TTN: variants seen among roughly 807,000 people sequenced by gnomAD.
The protein encoded by TTN is titin.
TTN carries 1,525 observed loss-of-function variants against 3,223.0 expected under a neutral mutation model. The ratio of observed to expected loss-of-function variants is 0.47; its 90% confidence interval spans 0.45 to 0.49. The LOEUF (loss-of-function observed/expected upper bound fraction) is 0.49, where lower values mean the gene tolerates loss of function less well. Ranked by LOEUF, TTN falls within the 20% of genes least tolerant of loss-of-function variation. The probability of loss-of-function intolerance (pLI) is 0.00; values close to 1 mark genes in which losing one functional copy is unlikely to be tolerated. For missense variants in TTN, 40,786 were observed against 43,424.0 expected, an observed-to-expected ratio of 0.94 and a Z score of 5.40; for synonymous variants, 14,094 against 15,161.0, an observed-to-expected ratio of 0.93 and a Z score of 5.17.
Position 178,589,628 on chromosome 2 carries a change from T to C in TTN, c.62097A>G (p.Pro20699=), listed in dbSNP as rs774995592. 16 of 1,613,234 alleles carry C rather than the reference T, an allele frequency of 9.9e-6. No individual in the cohort carries two copies. The highest frequency in any genetic ancestry group is 1.4e-5 in the Non-Finnish European group (16 of 1,179,522). The stretch of plus-strand genomic sequence containing the variant: ...TTCTCTCAACATGATATGACAGATT[T>C]GGACTGCCACCATCATAGTCAGGCC... ...WRRPDYDGGS[P]NLSYHVERRL... is the part of the protein sequence containing the mutation. Residue 20699 remains proline, a synonymous_variant, in exon 304 of 363, where the codon CCA becomes CCG. Transcript: ENST00000589042.
At position 178,575,408 on chromosome 2, in the gene TTN, C is replaced by A. The variant is rs754974293; in HGVS notation, c.70724G>T (p.Gly23575Val). ...TGYVIEAQRK[G>V]SDQWTHITTV... is the part of the protein sequence containing the mutation. Reference sequence around the variant, plus strand: ...TGTGATGTGGGTCCACTGGTCAGAGCCTTTTCTTTGGGCTTCAATCACATA... The same window carrying A: ...TGTGATGTGGGTCCACTGGTCAGAGACTTTTCTTTGGGCTTCAATCACATA... Residue 23575 changes from glycine to valine, a missense_variant, in exon 326 of 363, where the codon GGC becomes GTC. Coordinates refer to ENST00000589042, the MANE Select transcript of TTN (RefSeq NM_001267550.2). This position sits in a 1 kb window ranked among gnomAD's most constrained non-coding sequence, Gnocchi z 4.0. 6.2e-7 allele frequency: 1 copy of A among 1,613,588 alleles called. No homozygotes were observed. Among genetic ancestry groups the A allele is most frequent in the South Asian group, 1.1e-5 (1 of 91,076 alleles).
intron 119 of TTN, 85 bp from the exon 120 acceptor site, chr2:178,692,665 C>A (rs2072752284): frequency 2.0e-6 from 2 of 1,020,580 alleles, no homozygotes; most frequent in Non-Finnish European, 2.8e-6. Flanking sequence ...AATAGAGATT[C>A]CCTTTTTATA....
rs1413250187 is a variant in TTN, at chr2:178,532,321, A to G, written c.104294T>C (p.Met34765Thr). 4 of 1,613,840 alleles carry G rather than the reference A, an allele frequency of 2.5e-6. No homozygotes were observed. Among genetic ancestry groups the G allele is most frequent in the Non-Finnish European group, 2.5e-6 (3 of 1,179,876 alleles). The change falls in exon 358 of 363, where the codon ATG (methionine) becomes ACG (threonine). Residue 34765 changes from methionine to threonine, a missense_variant. Physicochemically the swap from Met to Thr is moderately conservative, Grantham distance 81. Coordinates refer to ENST00000589042, the MANE Select transcript of TTN (RefSeq NM_001267550.2). ...CAACTCTTCATCCTCCCTCTCAGCCATGATTCTTTGCCGTTGCTTTGGCTG... is the reference window on the plus strand; with the variant it reads ...CAACTCTTCATCCTCCCTCTCAGCCGTGATTCTTTGCCGTTGCTTTGGCTG... ...YRQPKQRQRIMAEREDEELLR... is the reference protein window; with the variant it reads ...YRQPKQRQRITAEREDEELLR...
At position 178,534,818 on chromosome 2, in the gene TTN, G is replaced by T; in HGVS notation, c.101797C>A (p.His33933Asn). ...CTAATGTCAAAGTGTCCAATATTAT[G>T]ACTGTGTAAAAACTGAAGTGCTTCA... ...VCEALQFLHS[H>N]NIGHFDIRPE... Residue 33933 changes from histidine to asparagine, a missense_variant, in exon 358 of 363, where the codon CAT becomes AAT. Transcript: ENST00000589042. 6.2e-7 allele frequency: 1 copy of T among 1,610,734 alleles called. No homozygotes were observed. Among genetic ancestry groups the T allele is most frequent in the South Asian group, 1.1e-5 (1 of 91,040 alleles).
rs200322629 is a variant in TTN, at chr2:178,651,254, G to A, written c.39614C>T (p.Pro13205Leu). ...TTAGTGACATGTACCTTTTGCTGGT[G>A]GGACTTCTGGCTTTTTGGGAACAGC... ...KVAVPKKPEV[P>L]PAKVPEVPKK... is the part of the protein sequence containing the mutation. The change falls in exon 208 of 363, where the codon CCA becomes CTA. Residue 13205 changes from proline to leucine, a missense_variant. By Grantham distance (98) the Pro-to-Leu change is moderately conservative. Coordinates refer to ENST00000589042, the MANE Select transcript of TTN (RefSeq NM_001267550.2). 6.2e-7 allele frequency: 1 copy of A among 1,612,878 alleles called. No individual in the cohort carries two copies. The highest frequency in any genetic ancestry group is 8.5e-7 in the Non-Finnish European group (1 of 1,179,308).
Position 178,544,362 on chromosome 2 carries a change from C to G in TTN, c.95867G>C (p.Trp31956Ser). 3 of 1,613,726 alleles carry G rather than the reference C, an allele frequency of 1.9e-6. No individual in the cohort carries two copies. The highest frequency in any genetic ancestry group is 1.7e-4 in the Middle Eastern group (1 of 6,058). Residue 31956 changes from tryptophan (W) to serine (S), a missense_variant, in exon 345 of 363, where the codon TGG becomes TCG. Transcript: ENST00000589042. ...LEMQEKDTDQ[W>S]YRVHTNATIR... ...TGTGGCATTGGTATGCACTCGGTAC[C>G]ACTGATCAGTGTCCTTCTCTTGCAT...
rs370103639 is a variant in TTN, at chr2:178,568,443, G to T, written c.77689C>A (p.Pro25897Thr). The change falls in exon 326 of 363, where the codon CCT becomes ACT. Residue 25897 changes from proline to threonine, a missense_variant. Coordinates refer to ENST00000589042, the MANE Select transcript of TTN (RefSeq NM_001267550.2). ...GCACTGACGTCATCAAATTTAACAG[G>T]TCCTTTTGGAGGATCAGGTTTATCT... ...TLDKPDPPKG[P>T]VKFDDVSAES... 2 of 1,613,280 alleles carry T rather than the reference G, an allele frequency of 1.2e-6. No individual in the cohort carries two copies. Among genetic ancestry groups the T allele is most frequent in the Non-Finnish European group, 1.7e-6 (2 of 1,179,570 alleles).
Position 178,563,000 on chromosome 2 carries a change from T to G in TTN, c.83132A>C (p.Lys27711Thr), listed in dbSNP as rs1249941262. 6.2e-7 allele frequency: 1 copy of G among 1,613,588 alleles called. No individual in the cohort carries two copies. Among genetic ancestry groups the G allele is most frequent in the Non-Finnish European group, 8.5e-7 (1 of 1,179,682 alleles). ...GRPEPEVKWEKAEGILTDRAQ... is the reference protein window; with the variant it reads ...GRPEPEVKWETAEGILTDRAQ... ...CCTGTCAGTGAGAATGCCTTCTGCC[T>G]TTTCCCATTTAACTTCGGGTTCTGG... Residue 27711 changes from lysine (K) to threonine (T), a missense_variant, in exon 326 of 363, where the codon AAG (lysine) becomes ACG (threonine). By Grantham distance (78) the Lys-to-Thr change is moderately conservative. Transcript: ENST00000589042.
chr2:178,635,842 T>C (rs2060368661), intron 226 of TTN, 121 bp downstream of exon 226: 3 of 1,507,842 alleles, frequency 2.0e-6, no homozygotes, highest in East Asian at 4.6e-5. Context: ...CTGTAGGATA[T>C]ATTGTTATTC....
At position 178,795,321 on chromosome 2, in the gene TTN, T is replaced by C; in HGVS notation, c.915-69A>G. On this transcript the variant is annotated intron_variant, in intron 6 of 362. Coordinates refer to ENST00000589042, the MANE Select transcript of TTN (RefSeq NM_001267550.2). ...GGGTAACTGGATGTGAATCATGAGA[T>C]GAAAAGCTGGAAGTGCTTTAAGGCA... 2.7e-6 allele frequency: 4 copies of C among 1,488,026 alleles called. No homozygotes were observed. In the Admixed American group the frequency reaches 6.7e-5, roughly 25 times the overall value. 92.2% of individuals were successfully genotyped at this position (1,488,026 alleles called of 1,614,324 possible). A position where few individuals can be genotyped will look rare whatever the true frequency, so the allele number is the denominator to read the frequency against.
chr2:178,602,714 A>C (rs2053770929), intron 282 of TTN, 124 bp from the exon 283 acceptor site: 1 of 755,796 alleles, frequency 1.3e-6, no homozygotes, highest in Non-Finnish European at 1.8e-6. Context: ...AAATGCTAAA[A>C]GGAAATACAG....
intron 47 of TTN, chr2:178,748,387 A>C (rs936384858): frequency 6.2e-6 from 10 of 1,613,246 alleles, no homozygotes; most frequent in Non-Finnish European, 7.6e-6. Flanking sequence ...CTTGACTGGC[A>C]AATACATTAT....
intron 26 of TTN, 39 bp downstream of exon 26, chr2:178,777,381 A>G: frequency 6.2e-7 from 1 of 1,611,926 alleles, no homozygotes; most frequent in Non-Finnish European, 8.5e-7. Context: ...AACCCAAGTG[A>G]TAAGAAAATT....
At chr2:178,735,011 A>G (rs1477447323) in intron 50 of TTN, 23 bp from the exon 51 acceptor site, 11 of 1,510,342 alleles carry the variant, frequency 7.3e-6, no homozygotes, top group Middle Eastern at 1.7e-4. Context: ...TACAAAAAAG[A>G]AAAAGGAGAA....
chr2:178,748,515 C>T, intron 47 of TTN: 2 of 1,613,064 alleles, frequency 1.2e-6, no homozygotes, highest in Non-Finnish European at 1.7e-6. Flanking sequence ...AACTCCAGAG[C>T]TGGATCTCCT....
rs1415025791 is a variant in TTN at position 178,663,508 on chromosome 2, C to T, written c.36541G>A (p.Ala12181Thr). The change falls in exon 172 of 363, where the codon GCT (alanine) becomes ACT (threonine). Residue 12181 changes from alanine to threonine, a missense_variant. Physicochemically the swap from Ala to Thr is moderately conservative, Grantham distance 58 (BLOSUM62 0). Transcript: ENST00000589042. ...PEVPPVKVPE[A>T]PKEVVPEKKV... ...TTTTCAGGAACAACTTCTTTGGGAG[C>T]CTCAGGCACTTGAAAGATATTAGTG... is the stretch of plus-strand genomic sequence containing the variant. 6.2e-7 allele frequency: 1 copy of T among 1,612,654 alleles called. No homozygotes were observed. Among genetic ancestry groups the T allele is most frequent in the Non-Finnish European group, 8.5e-7 (1 of 1,179,560 alleles).
Position 178,732,504 on chromosome 2 carries a change from C to T in TTN, c.16557G>A (p.Thr5519=), listed in dbSNP as rs753480595. Reference sequence around the variant, plus strand: ...CGACATTGCTGACTTTACATGTGTACGTGCCCGAATCAGAGGTTTTTACTA... The same window carrying T: ...CGACATTGCTGACTTTACATGTGTATGTGCCCGAATCAGAGGTTTTTACTA... ...LYLVKTSDSG[T]YTCKVSNVAG... Residue 5519 remains threonine, a synonymous_variant, in exon 56 of 363, where the codon ACG becomes ACA. Transcript: ENST00000589042. 8 of 1,613,580 alleles carry T rather than the reference C, an allele frequency of 5.0e-6. No homozygotes were observed. The highest frequency in any genetic ancestry group is 3.3e-5 in the Admixed American group (2 of 59,970).
intron 47 of TTN, 93 bp downstream of exon 47, chr2:178,753,031 T>C: frequency 1.0e-6 from 1 of 1,004,968 alleles, no homozygotes; most frequent in Non-Finnish European, 1.5e-6. Context: ...ATGTCATTTT[T>C]TTCTCAATAA....
Position 178,558,537 on chromosome 2 carries a change from A to G in TTN, c.86922T>C (p.Ile28974=). The part of the protein sequence containing the change: ...LKPEHDGGSR[I]VHYVVEALEK... ...CTAGTGCTTCAACGACATAGTGTAC[A>G]ATTCTGCTTCCGCCATCATGTTCAG... The change falls in exon 327 of 363, where the codon ATT becomes ATC. Residue 28974 remains isoleucine, a synonymous_variant. Coordinates refer to ENST00000589042, the MANE Select transcript of TTN (RefSeq NM_001267550.2). The G allele has an allele frequency of 6.2e-7, 1 of 1,613,806 alleles. No homozygotes were observed. The highest frequency in any genetic ancestry group is 8.5e-7 in the Non-Finnish European group (1 of 1,179,812).
Sources: gnomAD v4.1 joint callset for allele counts on GRCh38, gnomAD v4.1.1 for gene constraint, Gnocchi (gnomAD v3.1) non-coding constraint, MANE v1.5 for transcripts, NCBI Gene and HGNC (gene_info 2026-07-23, HGNC 2026-07-21) for gene names.